Variants in TTLL11 observed in about 807,000 individuals in gnomAD.
TTLL11 encodes the protein tubulin tyrosine ligase like 11.
In TTLL11, 42 loss-of-function variants were observed where a neutral mutation model predicts 51.7. The observed-to-expected ratio is 0.81, with a 90% CI of 0.64 to 1.05. The LOEUF (loss-of-function observed/expected upper bound fraction) is 1.05, where lower values mean the gene tolerates loss of function less well. Among genes scored for constraint, TTLL11 ranks in the 50% least tolerant of loss-of-function variants. The probability of loss-of-function intolerance (pLI) is 0.00; values close to 1 mark genes in which losing one functional copy is unlikely to be tolerated. For missense variants in TTLL11, 799 were observed against 940.4 expected (o/e 0.85, Z 1.97); for synonymous variants, 381 against 383.5 (o/e 0.99, Z 0.08).
intron 6 of TTLL11, among the ~76,000 whole-genome samples, chr9:121,897,620 A>G (rs554270546): frequency 2.6e-4 from 35 of 132,478 alleles, no homozygotes; most frequent in East Asian, 1.8e-3. Flanking sequence ...CCCTCCAGGC[A>G]CACACACACA....
At chr9:121,949,023 C>G (rs1841769123) in intron 6 of TTLL11, among the ~76,000 whole-genome samples, 1 of 152,110 alleles carries the variant, frequency 6.6e-6, no homozygotes, top group African/African-American at 2.4e-5. Context: ...TTCAGGCAGG[C>G]TGGGCCAGCC....
At chr9:121,987,419 T>C (rs551067887) in intron 4 of TTLL11, among the ~76,000 whole-genome samples, 25 of 152,134 alleles carry the variant, frequency 1.6e-4, no homozygotes, top group Non-Finnish European at 3.5e-4. Flanking sequence ...GGAAAGTGTG[T>C]ACCTATGGAG....
At chr9:122,054,135 TG>T (rs1306630814) in intron 1 of TTLL11, among the ~76,000 whole-genome samples, 1 of 152,200 alleles carries the variant, frequency 6.6e-6, no homozygotes, top group Non-Finnish European at 1.5e-5. Flanking sequence ...CAAAGCATGT[TG>T]TATTTTTTAT....
intron 6 of TTLL11, among the ~76,000 whole-genome samples, chr9:121,939,738 T>G (rs1476557222): frequency 2.0e-5 from 3 of 152,118 alleles, no homozygotes; most frequent in Middle Eastern, 3.2e-3. Flanking sequence ...AAACAAAACT[T>G]CAGACCCCAG....
chr9:121,933,277 C>G (rs1260285889), intron 6 of TTLL11, among the ~76,000 whole-genome samples: 1 of 152,136 alleles, frequency 6.6e-6, no homozygotes, highest in Non-Finnish European at 1.5e-5. Flanking sequence ...AGAGAACGCT[C>G]TCCCGGGCTG....
At chr9:121,977,966 C>T (rs772329931) in intron 4 of TTLL11, among the ~76,000 whole-genome samples, 13 of 152,026 alleles carry the variant, frequency 8.6e-5, no homozygotes, top group Admixed American at 3.9e-4. Flanking sequence ...TGAGCCACCG[C>T]GTCCGGCCCA....
intron 1 of TTLL11, among the ~76,000 whole-genome samples, chr9:122,044,486 G>A (rs993276465): frequency 6.6e-6 from 1 of 152,192 alleles, no homozygotes; most frequent in Non-Finnish European, 1.5e-5. Flanking sequence ...CAGTATAAAA[G>A]TGTTCCTATT....
chr9:122,063,617 A>G (rs1372018672), intron 1 of TTLL11, among the ~76,000 whole-genome samples: 1 of 152,216 alleles, frequency 6.6e-6, no homozygotes, highest in African/African-American at 2.4e-5. Context: ...ACTTTCACAG[A>G]ATTTCTTAAA....
At chr9:122,024,337 C>T (rs1844267605) in intron 3 of TTLL11, among the ~76,000 whole-genome samples, 2 of 152,148 alleles carry the variant, frequency 1.3e-5, no homozygotes, top group Admixed American at 6.5e-5. Flanking sequence ...GGTCAGAAGA[C>T]TCATTGTTAA....
At chr9:122,007,158 A>G (rs1379138868) in intron 3 of TTLL11, among the ~76,000 whole-genome samples, 1 of 152,138 alleles carries the variant, frequency 6.6e-6, no homozygotes, top group African/African-American at 2.4e-5. Flanking sequence ...GGGCACTGGA[A>G]TGACACCCCT....
intron 3 of TTLL11, among the ~76,000 whole-genome samples, chr9:122,022,542 A>G (rs1844212422): frequency 1.3e-5 from 2 of 151,870 alleles, no homozygotes; most frequent in Admixed American, 6.6e-5. Context: ...TAGAGAAAAT[A>G]TCATCCAAAA....
chr9:122,007,854 C>T (rs1843698545), intron 3 of TTLL11, among the ~76,000 whole-genome samples: 1 of 152,148 alleles, frequency 6.6e-6, no homozygotes, highest in Non-Finnish European at 1.5e-5. Flanking sequence ...TATCTTCCCA[C>T]AAGATACTTA....
At chr9:121,831,862 T>C (rs564735299) in intron 8 of TTLL11, among the ~76,000 whole-genome samples, 2 of 152,250 alleles carry the variant, frequency 1.3e-5, no homozygotes, top group South Asian at 2.1e-4. Flanking sequence ...CAAAATACCA[T>C]AGCCTGGGTG....
intron 6 of TTLL11, among the ~76,000 whole-genome samples, chr9:121,872,835 A>G (rs964723330): frequency 2.0e-5 from 3 of 152,210 alleles, no homozygotes; most frequent in African/African-American, 7.2e-5. Flanking sequence ...TCCCACAAAG[A>G]GGAGAGTCCT....
chr9:121,920,594 T>C (rs145127699), intron 6 of TTLL11, among the ~76,000 whole-genome samples: 2 of 152,342 alleles, frequency 1.3e-5, no homozygotes, highest in African/African-American at 4.8e-5. Flanking sequence ...TTGACATCCT[T>C]TTCTAAAGTG....
At chr9:121,860,296 C>A (rs768349513) in intron 8 of TTLL11, 41 bp downstream of exon 8, 12 of 1,466,822 alleles carry the variant, frequency 8.2e-6, no homozygotes, top group South Asian at 1.2e-5. Context: ...CCATGCCTGT[C>A]AGGACCCCCA....
intron 1 of TTLL11, among the ~76,000 whole-genome samples, chr9:122,051,947 T>C (rs7849175): frequency 6.6e-6 from 1 of 151,520 alleles, no homozygotes; most frequent in African/African-American, 2.4e-5. Flanking sequence ...AGAAAAAACA[T>C]AGCACAGAAA....
chr9:122,009,051 T>C (rs1233804596), intron 3 of TTLL11, among the ~76,000 whole-genome samples: 1 of 152,206 alleles, frequency 6.6e-6, no homozygotes, highest in Non-Finnish European at 1.5e-5. Context: ...GGGGAGCTAT[T>C]TGTCAAAGGA....
chr9:121,909,714 A>C (rs1840048492), intron 6 of TTLL11, among the ~76,000 whole-genome samples: 1 of 152,182 alleles, frequency 6.6e-6, no homozygotes, highest in Admixed American at 6.5e-5. Flanking sequence ...TCATGCACAC[A>C]GACAGCTCAC....
Sources: allele counts gnomAD v4.1 joint callset (sites outside exome capture counted in the v4.1 genomes callset), GRCh38; gene constraint gnomAD v4.1.1; transcripts MANE v1.5; gene names NCBI Gene and HGNC (gene_info 2026-07-23, HGNC 2026-07-21).